GULP1: variants seen among roughly 807,000 people sequenced by gnomAD.
GULP1 encodes GULP PTB domain containing engulfment adaptor 1.
In GULP1, 19 loss-of-function variants were observed where a neutral mutation model predicts 40.9. The observed-to-expected ratio is 0.46, with a 90% CI of 0.32 to 0.68. The LOEUF (loss-of-function observed/expected upper bound fraction) is 0.68, where lower values mean the gene tolerates loss of function less well. Among genes scored for constraint, GULP1 ranks in the 30% least tolerant of loss-of-function variants. The pLI is 0.03. For missense variants in GULP1, 312 were observed against 362.2 expected, an observed-to-expected ratio of 0.86 and a Z score of 1.12; for synonymous variants, 119 against 117.6, an observed-to-expected ratio of 1.01 and a Z score of -0.08.
chr2:188,486,666 G>A (rs1044834848), intron 4 of GULP1, among the ~76,000 whole-genome samples: 2 of 151,836 alleles, frequency 1.3e-5, no homozygotes, highest in Non-Finnish European at 2.9e-5. Flanking sequence ...TATTCATAGT[G>A]TAATGATTTG....
chr2:188,547,481 T>C (rs1692275154), intron 7 of GULP1, among the ~76,000 whole-genome samples: 1 of 152,108 alleles, frequency 6.6e-6, no homozygotes, highest in South Asian at 2.1e-4. Context: ...CTGAAAAACT[T>C]GAAGTCCAAT....
intron 1 of GULP1, among the ~76,000 whole-genome samples, chr2:188,364,903 TACACACAC>T (rs146488035): frequency 1.4e-4 from 21 of 147,622 alleles, no homozygotes; most frequent in Non-Finnish European, 1.8e-4. Flanking sequence ...TATACACAAA[TACACACAC>T]ACACACATAT....
intron 1 of GULP1, among the ~76,000 whole-genome samples, chr2:188,311,935 TA>T (rs202034063): frequency 0.022 from 3,365 of 149,792 alleles, 138 homozygotes; most frequent in African/African-American, 0.077. Flanking sequence ...CAATTACTAC[TA>T]AACATTTCTT....
At chr2:188,546,170 T>A (rs889135176) in intron 7 of GULP1, among the ~76,000 whole-genome samples, 6 of 151,956 alleles carry the variant, frequency 3.9e-5, no homozygotes, top group Non-Finnish European at 2.9e-5. Flanking sequence ...ATTTATAGAA[T>A]AATTAGAAAA....
intron 1 of GULP1, among the ~76,000 whole-genome samples, chr2:188,335,075 T>C (rs766048998): frequency 6.6e-6 from 1 of 152,210 alleles, no homozygotes; most frequent in Non-Finnish European, 1.5e-5. Flanking sequence ...ACATAAGCCT[T>C]TGCTTTGATT....
intron 1 of GULP1, among the ~76,000 whole-genome samples, chr2:188,303,258 G>A (rs1358310964): frequency 6.6e-6 from 1 of 152,124 alleles, no homozygotes; most frequent in Non-Finnish European, 1.5e-5. Context: ...CCTGAAGGTG[G>A]TAGGAATAAC....
At chr2:188,310,270 C>G (rs2037859708) in intron 1 of GULP1, among the ~76,000 whole-genome samples, 1 of 152,012 alleles carries the variant, frequency 6.6e-6, no homozygotes, top group Non-Finnish European at 1.5e-5. Context: ...TTGAGCAAGA[C>G]AGAATGAAGA....
chr2:188,498,829 A>G (rs1410145763), intron 4 of GULP1, among the ~76,000 whole-genome samples: 1 of 151,794 alleles, frequency 6.6e-6, no homozygotes, highest in African/African-American at 2.4e-5. Context: ...TATGTACTCC[A>G]TGAATATGTA....
chr2:188,580,997 T>C (rs1486000083), intron 9 of GULP1, among the ~76,000 whole-genome samples: 1 of 152,106 alleles, frequency 6.6e-6, no homozygotes, highest in Non-Finnish European at 1.5e-5. Context: ...CTCATCACAT[T>C]GTATTTGGTG....
intron 2 of GULP1, among the ~76,000 whole-genome samples, chr2:188,447,030 C>G (rs543030760): frequency 6.6e-6 from 1 of 151,922 alleles, no homozygotes; most frequent in African/African-American, 2.4e-5. Flanking sequence ...TAGGGAGACA[C>G]GAGACATCAA....
At chr2:188,509,723 A>G (rs1488600306) in intron 4 of GULP1, among the ~76,000 whole-genome samples, 1 of 152,112 alleles carries the variant, frequency 6.6e-6, no homozygotes, top group African/African-American at 2.4e-5. Flanking sequence ...ACTTACAGCT[A>G]GAAAACTACG....
At chr2:188,477,576 C>A in intron 2 of GULP1, 83 bp from the exon 3 acceptor site, 1 of 687,712 alleles carries the variant, frequency 1.5e-6, no homozygotes, top group Non-Finnish European at 2.5e-6. Context: ...TTTAAAAAGC[C>A]TTTATAATTA....
chr2:188,411,192 C>T (rs2053830311), intron 2 of GULP1, among the ~76,000 whole-genome samples: 1 of 152,142 alleles, frequency 6.6e-6, no homozygotes. Flanking sequence ...CTCAGCCAGA[C>T]TGACAAGCAA....
intron 1 of GULP1, among the ~76,000 whole-genome samples, chr2:188,316,943 C>T (rs1006985501): frequency 6.6e-6 from 1 of 152,054 alleles, no homozygotes; most frequent in African/African-American, 2.4e-5. Context: ...AGAAAACATG[C>T]CTCCTTGAAA....
chr2:188,501,430 A>G (rs1483150286), intron 4 of GULP1, among the ~76,000 whole-genome samples: 4 of 151,912 alleles, frequency 2.6e-5, no homozygotes, highest in African/African-American at 9.7e-5. Flanking sequence ...TCTTTTCTTT[A>G]TAAATTACTC....
At chr2:188,324,894 A>G (rs1047254977) in intron 1 of GULP1, among the ~76,000 whole-genome samples, 9 of 152,160 alleles carry the variant, frequency 5.9e-5, no homozygotes, top group African/African-American at 2.2e-4. Context: ...AGAAGTATCA[A>G]AACACAGAAG....
chr2:188,314,508 A>G (rs2038750632), intron 1 of GULP1, among the ~76,000 whole-genome samples: 1 of 152,254 alleles, frequency 6.6e-6, no homozygotes, highest in South Asian at 2.1e-4. Flanking sequence ...GCTAGGATGT[A>G]GGCCTCAGCC....
chr2:188,421,658 A>G (rs1018691846), intron 2 of GULP1, among the ~76,000 whole-genome samples: 1 of 152,186 alleles, frequency 6.6e-6, no homozygotes, highest in Non-Finnish European at 1.5e-5. Context: ...TAACATGCAT[A>G]TATGAAGAAT....
intron 4 of GULP1, among the ~76,000 whole-genome samples, chr2:188,496,499 A>G (rs573027486): frequency 6.6e-6 from 1 of 152,128 alleles, no homozygotes; most frequent in Non-Finnish European, 1.5e-5. Flanking sequence ...ACTTCTGGGG[A>G]AAAAATGAGC....
Sources: gnomAD v4.1 joint callset for allele counts (sites outside exome capture counted in the v4.1 genomes callset) on GRCh38, gnomAD v4.1.1 for gene constraint, MANE v1.5 for transcripts, NCBI Gene and HGNC (gene_info 2026-07-23, HGNC 2026-07-21) for gene names.